The following EPB41L4A variants were observed in gnomAD, a reference collection of about 807,000 sequenced individuals.
EPB41L4A encodes erythrocyte membrane protein band 4.1 like 4A.
In EPB41L4A, 100 loss-of-function variants were observed where a neutral mutation model predicts 108.6. That is an observed-to-expected ratio of 0.92 (90% confidence interval 0.78 to 1.09). EPB41L4A has a LOEUF of 1.09. Ranked by LOEUF, EPB41L4A falls within the 50% of genes least tolerant of loss-of-function variation. The pLI, the probability that EPB41L4A is intolerant of heterozygous loss-of-function variation, is 0.00. For missense variants in EPB41L4A, 1,030 were observed against 842.7 expected (o/e 1.22, Z -2.75); for synonymous variants, 319 against 289.0 (o/e 1.10, Z -1.05).
intron 1 of EPB41L4A, among the ~76,000 whole-genome samples, chr5:112,311,442 T>C (rs993920378): frequency 2.0e-5 from 3 of 152,218 alleles, no homozygotes; most frequent in Non-Finnish European, 4.4e-5. Context: ...GAAAAGATAC[T>C]GAGTATCTCA....
rs141352765 is a variant in EPB41L4A at position 112,237,381 on chromosome 5, G to A, written c.965+2279C>T. 5.4e-3 allele frequency among the ~76,000 whole-genome samples: 820 copies of A among 152,066 alleles called. 8 individuals carry two copies. Among genetic ancestry groups the A allele is most frequent in the South Asian group, 0.031 (149 of 4,798 alleles). On this transcript the variant is annotated intron_variant, in intron 11 of 22. Transcript: ENST00000261486. ...ACTAGTTTTCCCAAAAAGTGCTACC[G>A]TCCTTGGCATTTTGCAAGCCTTAAA...
chr5:112,339,356 G>A (rs1391422094), intron 1 of EPB41L4A, among the ~76,000 whole-genome samples: 1 of 151,778 alleles, frequency 6.6e-6, no homozygotes, highest in East Asian at 1.9e-4. Flanking sequence ...GAAGTATACA[G>A]TGGAGAGTCA....
rs569538541 is a variant in EPB41L4A, at chr5:112,173,242, C to T, written c.1623-2250G>A. Among the ~76,000 whole-genome samples, 6 of 152,094 alleles carry T rather than the reference C, an allele frequency of 3.9e-5. No homozygotes were observed. In the South Asian group the frequency reaches 8.3e-4, roughly 21 times the overall value. On this transcript the variant is annotated intron_variant, in intron 18 of 22. Transcript: ENST00000261486. ...CGAGGGTGCAGTTGATGACAACTAC[C>T]GGAAGTGGTGAGTGGTATCATGTGA...
intron 20 of EPB41L4A, among the ~76,000 whole-genome samples, chr5:112,169,715 A>T (rs146182500): frequency 6.6e-6 from 1 of 152,236 alleles, no homozygotes; most frequent in East Asian, 1.9e-4. Context: ...TGACCTAAAG[A>T]TGGGGACGGA....
chr5:112,205,536 AT>A (rs766630426), intron 13 of EPB41L4A, 32 bp from the exon 14 acceptor site: 1 of 1,492,472 alleles, frequency 6.7e-7, no homozygotes, highest in Non-Finnish European at 9.2e-7. Flanking sequence ...TGAGAAATAA[AT>A]TAAGTAGAAA....
At chr5:112,347,684 T>A (rs527750111) in intron 1 of EPB41L4A, among the ~76,000 whole-genome samples, 4 of 152,214 alleles carry the variant, frequency 2.6e-5, no homozygotes, top group Non-Finnish European at 5.9e-5. Flanking sequence ...TAGAACATAA[T>A]TGAATATTTG....
At chr5:112,320,633 G>A (rs939337886) in intron 1 of EPB41L4A, among the ~76,000 whole-genome samples, 1 of 152,186 alleles carries the variant, frequency 6.6e-6, no homozygotes, top group Non-Finnish European at 1.5e-5. Flanking sequence ...TAGAGAGGTT[G>A]AAGGGGAGTA....
chr5:112,362,085 C>T (rs1252807486), intron 1 of EPB41L4A, among the ~76,000 whole-genome samples: 1 of 152,054 alleles, frequency 6.6e-6, no homozygotes, highest in African/African-American at 2.4e-5. Context: ...GTATGTAACA[C>T]AATCATAGCA....
At chr5:112,322,395 CA>C (rs1426341279) in intron 1 of EPB41L4A, among the ~76,000 whole-genome samples, 1 of 152,176 alleles carries the variant, frequency 6.6e-6, no homozygotes, top group East Asian at 1.9e-4. Context: ...AGTATGAGGC[CA>C]AAGCTCTATC....
At position 112,219,271 on chromosome 5, in the gene EPB41L4A, C is replaced by T. The variant is rs949842761; in HGVS notation, c.1088-9289G>A. On this transcript the variant is annotated intron_variant, in intron 12 of 22. Coordinates refer to ENST00000261486, the MANE Select transcript of EPB41L4A (RefSeq NM_022140.5). The stretch of plus-strand genomic sequence containing the variant: ...GGGGGTGGTTCCCCCATGCTATTCT[C>T]GTGATAGTGAGTGAACTCTCACAAG... Among the ~76,000 whole-genome samples, 6 of 152,266 alleles carry T rather than the reference C, an allele frequency of 3.9e-5. No individual in the cohort carries two copies. The East Asian group carries it at 1.2e-3, about 29-fold the overall frequency.
At chr5:112,347,906 A>G (rs1374209567) in intron 1 of EPB41L4A, among the ~76,000 whole-genome samples, 7 of 152,174 alleles carry the variant, frequency 4.6e-5, no homozygotes, top group African/African-American at 1.7e-4. Context: ...GCTCACTGCC[A>G]GATCCATCCT....
At chr5:112,360,629 C>G (rs1758666516) in intron 1 of EPB41L4A, among the ~76,000 whole-genome samples, 1 of 152,192 alleles carries the variant, frequency 6.6e-6, no homozygotes, top group Admixed American at 6.5e-5. Flanking sequence ...GCTACAACCT[C>G]CACCTCCCAG....
chr5:112,281,390 C>T (rs1752953460), intron 2 of EPB41L4A, among the ~76,000 whole-genome samples: 1 of 152,202 alleles, frequency 6.6e-6, no homozygotes, highest in African/African-American at 2.4e-5. Context: ...CTTCGCCTCT[C>T]CATCTGTGGG....
chr5:112,392,116 A>C (rs1335244992), intron 1 of EPB41L4A, among the ~76,000 whole-genome samples: 1 of 152,198 alleles, frequency 6.6e-6, no homozygotes, highest in Non-Finnish European at 1.5e-5. Context: ...GCCACTGCAA[A>C]AACATGCCAA....
intron 1 of EPB41L4A, among the ~76,000 whole-genome samples, chr5:112,391,147 A>T (rs188799536): frequency 1.6e-3 from 243 of 152,296 alleles, no homozygotes; most frequent in African/African-American, 5.5e-3. Flanking sequence ...AAAATTCTAA[A>T]AACTAGAGCG....
chr5:112,221,102 G>C (rs1390292746), intron 12 of EPB41L4A, among the ~76,000 whole-genome samples: 2 of 152,160 alleles, frequency 1.3e-5, no homozygotes, highest in Non-Finnish European at 2.9e-5. Context: ...CATGAACCTA[G>C]TGATAAGTGA....
rs181303588 is a variant in EPB41L4A at position 112,174,923 on chromosome 5, T to C, written c.1623-3931A>G. Among the ~76,000 whole-genome samples, 7 of 152,196 alleles carry C rather than the reference T, an allele frequency of 4.6e-5. No homozygotes were observed. The East Asian group carries it at 9.7e-4, about 21-fold the overall frequency. ...CACATTCCTGACGGGTCAAAATAAA[T>C]CTAATTAGGAGATGTCTTACTCTTC... On this transcript the variant is annotated intron_variant, in intron 18 of 22. Transcript: ENST00000261486.
intron 1 of EPB41L4A, among the ~76,000 whole-genome samples, chr5:112,356,642 T>C (rs1180211030): frequency 6.6e-6 from 1 of 152,224 alleles, no homozygotes; most frequent in East Asian, 1.9e-4. Flanking sequence ...TCTGCCATAA[T>C]CTAGTCTCCA....
At chr5:112,385,565 T>G (rs1265886070) in intron 1 of EPB41L4A, among the ~76,000 whole-genome samples, 4 of 150,430 alleles carry the variant, frequency 2.7e-5, no homozygotes, top group Non-Finnish European at 5.9e-5. Flanking sequence ...CACAATCAAT[T>G]AAAAAATCCT....
Sources: gnomAD v4.1 joint callset for allele counts (sites outside exome capture counted in the v4.1 genomes callset) on GRCh38, gnomAD v4.1.1 for gene constraint, MANE v1.5 for transcripts, NCBI Gene and HGNC (gene_info 2026-07-23, HGNC 2026-07-21) for gene names.